The following NDUFA13 variants were observed in gnomAD, a reference collection of about 807,000 sequenced individuals.
NDUFA13 encodes NADH:ubiquinone oxidoreductase subunit A13, also known as NADH dehydrogenase [ubiquinone] 1 alpha subcomplex subunit 13.
In NDUFA13, 16 loss-of-function variants were observed where a neutral mutation model predicts 17.0. The observed-to-expected ratio is 0.94, with a 90% CI of 0.64 to 1.43. The LOEUF is 1.43. Ranked by LOEUF, NDUFA13 falls within the 40% of genes most tolerant of loss-of-function variation. The pLI is 0.00. For missense variants in NDUFA13, 228 were observed against 206.7 expected (o/e 1.10, Z -0.63); for synonymous variants, 87 against 78.4 (o/e 1.11, Z -0.58).
intron 2 of NDUFA13, 60 bp downstream of exon 2, chr19:19,526,320 T>C: frequency 6.4e-7 from 1 of 1,574,512 alleles, no homozygotes; most frequent in Non-Finnish European, 8.7e-7. Context: ...CGGGGTCCTG[T>C]AGCATTCCGC....
chr19:19,524,048 G>A (rs1451230283), intron 1 of NDUFA13, among the ~76,000 whole-genome samples: 2 of 98,276 alleles, frequency 2.0e-5, no homozygotes, highest in African/African-American at 5.3e-5. Flanking sequence ...GATTACAAGC[G>A]TGAGCCGAAA....
chr19:19,519,790 C>T (rs1468323322), intron 1 of NDUFA13, among the ~76,000 whole-genome samples: 1 of 152,118 alleles, frequency 6.6e-6, no homozygotes, highest in Non-Finnish European at 1.5e-5. Context: ...GTCCTCCTCT[C>T]CTGCCTCTCC....
At chr19:19,520,742 A>G (rs2061073213) in intron 1 of NDUFA13, among the ~76,000 whole-genome samples, 2 of 152,190 alleles carry the variant, frequency 1.3e-5, no homozygotes, top group African/African-American at 4.8e-5. Flanking sequence ...TTCATTACCC[A>G]AAAGAAACCC....
chr19:19,525,813 T>C (rs2061097034), intron 1 of NDUFA13, among the ~76,000 whole-genome samples: 1 of 152,142 alleles, frequency 6.6e-6, no homozygotes, highest in Admixed American at 6.5e-5. Flanking sequence ...CTGGCAGCTG[T>C]GTGCAGCCCC....
chr19:19,522,346 C>T (rs1243500714), intron 1 of NDUFA13, among the ~76,000 whole-genome samples: 1 of 151,788 alleles, frequency 6.6e-6, no homozygotes, highest in Non-Finnish European at 1.5e-5. Flanking sequence ...AGTCCAATTT[C>T]TGTATTTTTC....
intron 1 of NDUFA13, among the ~76,000 whole-genome samples, chr19:19,525,019 A>G (rs2061094069): frequency 6.6e-6 from 1 of 152,182 alleles, no homozygotes. Context: ...CCTGGGTAGC[A>G]GAGTGAGACC....
intron 1 of NDUFA13, among the ~76,000 whole-genome samples, chr19:19,516,779 C>A (rs988254652): frequency 6.6e-6 from 1 of 152,190 alleles, no homozygotes; most frequent in Non-Finnish European, 1.5e-5. Flanking sequence ...AATCCATATT[C>A]TTTAAATTTT....
At chr19:19,526,980 C>G (rs375060677) in intron 2 of NDUFA13, among the ~76,000 whole-genome samples, 1 of 152,162 alleles carries the variant, frequency 6.6e-6, no homozygotes, top group Non-Finnish European at 1.5e-5. Context: ...CTCTTCGTCG[C>G]GATCATCAGG....
chr19:19,526,146 G>A (rs375807935), intron 1 of NDUFA13, 36 bp from the exon 2 acceptor site: 16 of 1,609,052 alleles, frequency 9.9e-6, no homozygotes, highest in African/African-American at 1.3e-5. Flanking sequence ...GTGTCTGGGG[G>A]CGGGCTGGCC....
intron 1 of NDUFA13, among the ~76,000 whole-genome samples, chr19:19,517,488 C>G (rs1185646582): frequency 1.3e-5 from 2 of 151,610 alleles, no homozygotes; most frequent in East Asian, 3.9e-4. Context: ...ATGGGACTAT[C>G]GGCATGAGCT....
chr19:19,522,928 A>G (rs1277305878), intron 1 of NDUFA13, among the ~76,000 whole-genome samples: 1 of 151,808 alleles, frequency 6.6e-6, no homozygotes, highest in Non-Finnish European at 1.5e-5. Flanking sequence ...TCCAAAATCA[A>G]TTGACCATAA....
At chr19:19,527,585 T>C in intron 3 of NDUFA13, 116 bp from the exon 4 acceptor site, 1 of 994,502 alleles carries the variant, frequency 1.0e-6, no homozygotes, top group Non-Finnish European at 1.5e-6. Flanking sequence ...AGGAGTTGGC[T>C]GGGGGAAAAG....
chr19:19,527,598 G>A (rs2144647298), intron 3 of NDUFA13, 103 bp from the exon 4 acceptor site: 1 of 1,036,816 alleles, frequency 9.6e-7, no homozygotes, highest in Non-Finnish European at 1.5e-6. Flanking sequence ...GGGAAAAGGA[G>A]ACAGGGTCGG....
At chr19:19,521,554 AC>A (rs2061077767) in intron 1 of NDUFA13, among the ~76,000 whole-genome samples, 1 of 152,106 alleles carries the variant, frequency 6.6e-6, no homozygotes, top group Admixed American at 6.5e-5. Flanking sequence ...TCTGTGAGAA[AC>A]GTCTATTCAA....
intron 1 of NDUFA13, among the ~76,000 whole-genome samples, chr19:19,524,603 C>T (rs1394311766): frequency 1.3e-5 from 2 of 152,010 alleles, no homozygotes; most frequent in Admixed American, 6.6e-5. Flanking sequence ...GTCAGGAGGT[C>T]GTAACCAGCC....
In NDUFA13 at chr19:19,521,834, C is replaced by T. The variant is rs376412286; in HGVS notation, c.95-4348C>T. Among the ~76,000 whole-genome samples the T allele has an allele frequency of 1.6e-4, 24 of 149,826 alleles. No homozygotes were observed. In the East Asian group the frequency reaches 1.8e-3, roughly 11 times the overall value. ...AGCCAGGATCGTCTCGATCTCCTGA[C>T]CTCGTGATCCGCCCGCCTCGGCCTC... On this transcript the variant is annotated intron_variant, in intron 1 of 4. Transcript: ENST00000507754.
chr19:19,524,095 CAG>C (rs897190098), intron 1 of NDUFA13, among the ~76,000 whole-genome samples: 1 of 152,136 alleles, frequency 6.6e-6, no homozygotes, highest in Non-Finnish European at 1.5e-5. Flanking sequence ...GCCTGGACAA[CAG>C]AGAGAGGCCC....
rs1568356646 is a variant in NDUFA13 at position 19,516,276 on chromosome 19, C to T, written c.38C>T (p.Pro13Leu). Residue 13 changes from proline to leucine, a missense_variant, in exon 1 of 5, where the codon CCG (proline) becomes CTG (leucine). By Grantham distance (98) the Pro-to-Leu change is moderately conservative. Coordinates refer to ENST00000507754, the MANE Select transcript of NDUFA13 (RefSeq NM_015965.7). ...AAGGTGAAGCAGGACATGCCTCCGC[C>T]GGGGGGCTATGGGCCCATCGACTAC... ...ASKVKQDMPP[P>L]GGYGPIDYKR... 2 of 1,613,852 alleles carry T rather than the reference C, an allele frequency of 1.2e-6. No homozygotes were observed. Among genetic ancestry groups the T allele is most frequent in the East Asian group, 2.2e-5 (1 of 44,874 alleles).
At chr19:19,523,862 G>A (rs2061089135) in intron 1 of NDUFA13, among the ~76,000 whole-genome samples, 1 of 152,206 alleles carries the variant, frequency 6.6e-6, no homozygotes, top group African/African-American at 2.4e-5. Context: ...CCTGGGAGGC[G>A]GAGGTTGCAG....
Sources: gnomAD v4.1 joint callset for allele counts (sites outside exome capture counted in the v4.1 genomes callset) on GRCh38, gnomAD v4.1.1 for gene constraint, MANE v1.5 for transcripts, NCBI Gene and HGNC (gene_info 2026-07-23, HGNC 2026-07-21) for gene names.